Variants in MAN2A2 observed in about 807,000 individuals in gnomAD.
MAN2A2 encodes the protein mannosidase alpha class 2A member 2.
A neutral mutation model predicts 126.8 loss-of-function variants in MAN2A2; 79 were observed. The observed-to-expected ratio is 0.62, with a 90% CI of 0.52 to 0.75. The LOEUF (loss-of-function observed/expected upper bound fraction) is 0.75, where lower values mean the gene tolerates loss of function less well. Ranked by LOEUF, MAN2A2 falls within the 30% of genes least tolerant of loss-of-function variation. The pLI, the probability that MAN2A2 is intolerant of heterozygous loss-of-function variation, is 0.00. For synonymous variants in MAN2A2, 671 were observed against 618.7 expected (o/e 1.08, Z -1.25); for missense variants, 1,392 against 1,522.4 (o/e 0.91, Z 1.43).
chr15:90,902,847 G>A (rs547689733), upstream of MAN2A2: 1,579 of 147,202 alleles, frequency 0.011, 20 homozygotes, highest in Non-Finnish European at 0.016. Context: ...CGGAGCAGGG[G>A]GCTACGGGTG....
chr15:90,912,545 A>G lies in MAN2A2; in HGVS notation c.2350A>G (p.Ile784Val). 1.2e-6 allele frequency: 2 copies of G among 1,613,696 alleles called. No homozygotes were observed. Among genetic ancestry groups the G allele is most frequent in the East Asian group, 2.2e-5 (1 of 44,876 alleles). Residue 784 changes from isoleucine (I) to valine (V), a missense_variant, in exon 16 of 23, where the codon ATC becomes GTC. By Grantham distance (29) the Ile-to-Val change is conservative (BLOSUM62 3). Coordinates refer to ENST00000559717, the MANE Select transcript of MAN2A2 (RefSeq NM_006122.4). Reference protein sequence around the residue: ...FSGLTGLLKSIRRVDEEHEQQ... With the variant: ...FSGLTGLLKSVRRVDEEHEQQ... ...TCAGGGCTGTGTTTTTTGGCAGAGC[A>G]TCCGAAGGGTGGATGAGGAGCACGA...
At position 90,911,176 on chromosome 15, in the gene MAN2A2, C is replaced by T. The variant is rs749333172; in HGVS notation, c.1881C>T (p.Asp627=). ...TCCGGCTCACTGAATTCCAGGATGA[C>T]ACTCGCTTAAGTCACGACGCCCTCC... ...DPEAPFLQVD[D]TRLSHDALPE... is the part of the protein sequence containing the mutation. The change falls in exon 13 of 23, where the codon GAC becomes GAT. Residue 627 remains aspartate, a synonymous_variant. Coordinates refer to ENST00000559717, the MANE Select transcript of MAN2A2 (RefSeq NM_006122.4). 1 of 1,614,072 alleles carries T rather than the reference C, an allele frequency of 6.2e-7. No homozygotes were observed. The highest frequency in any genetic ancestry group is 8.5e-7 in the Non-Finnish European group (1 of 1,179,998).
At chr15:90,908,648 T>A (rs1320378248) in intron 8 of MAN2A2, among the ~76,000 whole-genome samples, 1 of 151,760 alleles carries the variant, frequency 6.6e-6, no homozygotes, top group Non-Finnish European at 1.5e-5. Flanking sequence ...CAATTTCGGC[T>A]CACCGCAACC....
intron 20 of MAN2A2, 74 bp downstream of exon 20, chr15:90,916,330 G>A: frequency 6.4e-7 from 1 of 1,551,664 alleles, no homozygotes; most frequent in Non-Finnish European, 8.7e-7. Context: ...TCCAGCCTAG[G>A]GCTCGAGGAG....
chr15:90,903,169 G>A (rs953836430), upstream of MAN2A2: 1 of 152,432 alleles, frequency 6.6e-6, no homozygotes. Context: ...GGAGGGAGCC[G>A]GGCGGGCGGC....
intron 22 of MAN2A2, 51 bp downstream of exon 22, chr15:90,918,806 G>T: frequency 1.5e-6 from 2 of 1,311,654 alleles, no homozygotes; most frequent in Non-Finnish European, 2.2e-6. Flanking sequence ...CATGAGCTTG[G>T]TAAGACTGGG....
intron 14 of MAN2A2, 171 bp from the exon 15 acceptor site, chr15:90,911,872 A>G (rs1004086272): frequency 3.0e-6 from 2 of 671,856 alleles, no homozygotes; most frequent in Non-Finnish European, 2.6e-6. Flanking sequence ...CTTGAGAATC[A>G]TAAAGTCTGA....
At chr15:90,919,507 G>A in intron 22 of MAN2A2, 128 bp from the exon 23 acceptor site, 1 of 1,148,962 alleles carries the variant, frequency 8.7e-7, no homozygotes, top group Non-Finnish European at 1.2e-6. Flanking sequence ...CCAAAGTGCT[G>A]GGATTACAGG....
intron 8 of MAN2A2, among the ~76,000 whole-genome samples, chr15:90,909,077 G>A (rs1029452016): frequency 6.6e-6 from 1 of 152,100 alleles, no homozygotes; most frequent in African/African-American, 2.4e-5. Flanking sequence ...TGAGGCGGGA[G>A]TGTCAGAACC....
At chr15:90,916,709 T>A in intron 20 of MAN2A2, 2 of 1,264,352 alleles carry the variant, frequency 1.6e-6, no homozygotes, top group Non-Finnish European at 2.1e-6. Flanking sequence ...AAGGTGTAGC[T>A]GCGCCAGAGC....
intron 13 of MAN2A2, 68 bp downstream of exon 13, chr15:90,911,306 G>A: frequency 6.2e-7 from 1 of 1,613,194 alleles, no homozygotes; most frequent in African/African-American, 1.3e-5. Flanking sequence ...CTCTGCCCCA[G>A]CATGTGCTGA....
chr15:90,905,626 T>G lies in MAN2A2; in HGVS notation c.438T>G (p.Gly146=). ...EELPFDNVDG[G]VWRQGFDISY... is the part of the protein sequence containing the mutation. ...TGCCGTTTGACAACGTGGATGGTGG[T>G]GTGTGGAGGCAAGGCTTCGACATCT... is the stretch of plus-strand genomic sequence containing the variant. The change falls in exon 4 of 23, where the codon GGT becomes GGG. Residue 146 remains glycine (G), a synonymous_variant. Coordinates refer to ENST00000559717, the MANE Select transcript of MAN2A2 (RefSeq NM_006122.4). The G allele has an allele frequency of 1.9e-6, 3 of 1,614,042 alleles. No homozygotes were observed. The highest frequency in any genetic ancestry group is 2.5e-6 in the Non-Finnish European group (3 of 1,180,006).
intron 14 of MAN2A2, 115 bp from the exon 15 acceptor site, chr15:90,911,928 G>A: frequency 1.2e-6 from 1 of 812,232 alleles, no homozygotes; most frequent in Non-Finnish European, 2.0e-6. Flanking sequence ...TGGAGGAGGG[G>A]CAGAGGCCCA....
chr15:90,913,141 G>A (rs2034896118), intron 17 of MAN2A2, 132 bp from the exon 18 acceptor site: 4 of 1,288,492 alleles, frequency 3.1e-6, no homozygotes, highest in Middle Eastern at 4.1e-4. Flanking sequence ...AAGTCATCCA[G>A]AAATGCCCTG....
In MAN2A2 at chr15:90,916,151, G is replaced by A. The variant is rs2035160087; in HGVS notation, c.2889G>A (p.Arg963=). 1 of 1,614,104 alleles carries A rather than the reference G, an allele frequency of 6.2e-7. No individual in the cohort carries two copies. Among genetic ancestry groups the A allele is most frequent in the African/African-American group, 1.3e-5 (1 of 75,056 alleles). The change falls in exon 20 of 23, where the codon CGG becomes CGA. Residue 963 remains arginine (R), a synonymous_variant. Transcript: ENST00000559717. ...AGCTGGAGGTGATCTTGGACCGGCG[G>A]CTGATGCAGGATGACAACCGGGGCC... ...DGQLEVILDR[R]LMQDDNRGLG...
chr15:90,911,146 T>A, intron 12 of MAN2A2, 25 bp from the exon 13 acceptor site: 1 of 1,612,782 alleles, frequency 6.2e-7, no homozygotes, highest in Non-Finnish European at 8.5e-7. Context: ...TGATGGTTCT[T>A]CCCTTCCGGC....
In MAN2A2 at chr15:90,905,681, G is replaced by A; in HGVS notation, c.493G>A (p.Asp165Asn). The A allele has an allele frequency of 6.2e-7, 1 of 1,614,172 alleles. No individual in the cohort carries two copies. The highest frequency in any genetic ancestry group is 2.2e-5 in the East Asian group (1 of 44,882). The change falls in exon 4 of 23, where the codon GAC becomes AAC. Residue 165 changes from aspartate to asparagine, a missense_variant. Asp to Asn is a conservative substitution (Grantham distance 23, BLOSUM62 1). Transcript: ENST00000559717. Reference sequence around the variant, plus strand: ...CGACCCGCACGACTGGGATGCTGAAGACCTGCAGGTGTTTGTGGTGCCCCA... The same window carrying A: ...CGACCCGCACGACTGGGATGCTGAAAACCTGCAGGTGTTTGTGGTGCCCCA... ...SYDPHDWDAE[D>N]LQVFVVPHSH... is the part of the protein sequence containing the mutation.
In MAN2A2 at chr15:90,911,526, C is replaced by T. The variant is rs746650408; in HGVS notation, c.2085C>T (p.Thr695=). The T allele has an allele frequency of 3.1e-6, 5 of 1,613,258 alleles. No homozygotes were observed. The highest frequency in any genetic ancestry group is 1.7e-5 in the Admixed American group (1 of 59,978). ...VQISAHWSSA[T]EAVPDVYQVS... ...TCAGCGCACACTGGAGCTCTGCCAC[C>T]GAGGCGGTCCCTGACGTCTACCAGG... Residue 695 remains threonine, a synonymous_variant, in exon 14 of 23, where the codon ACC becomes ACT. Coordinates refer to ENST00000559717, the MANE Select transcript of MAN2A2 (RefSeq NM_006122.4).
At chr15:90,905,053 C>A (rs566351446) in intron 2 of MAN2A2, among the ~76,000 whole-genome samples, 198 bp from the exon 3 acceptor site, 1 of 152,268 alleles carries the variant, frequency 6.6e-6, no homozygotes, top group Non-Finnish European at 1.5e-5. Context: ...TTCTCCCAAC[C>A]CAAGTGGAGT....
Sources: allele counts gnomAD v4.1 joint callset (sites outside exome capture counted in the v4.1 genomes callset), GRCh38; gene constraint gnomAD v4.1.1; transcripts MANE v1.5; gene names NCBI Gene and HGNC (gene_info 2026-07-23, HGNC 2026-07-21).